Variants in SSBP3 observed in about 807,000 individuals in gnomAD.
SSBP3 encodes the protein single-stranded DNA-binding protein 3.
In SSBP3, 5 loss-of-function variants were observed where a neutral mutation model predicts 69.6. The ratio of observed to expected loss-of-function variants is 0.07; its 90% CI spans 0.04 to 0.15. SSBP3 has a LOEUF of 0.15. Ranked by LOEUF, SSBP3 falls within the 10% of genes least tolerant of loss-of-function variation. The pLI, the probability that SSBP3 is intolerant of heterozygous loss-of-function variation, is 1.00. For synonymous variants in SSBP3, 196 were observed against 193.4 expected (o/e 1.01, Z -0.11); for missense variants, 312 against 534.0 (o/e 0.58, Z 4.10).
chr1:54,380,570 C>G (rs2100720776), intron 4 of SSBP3, among the ~76,000 whole-genome samples: 1 of 152,336 alleles, frequency 6.6e-6, no homozygotes, highest in Non-Finnish European at 1.5e-5. Context: ...TGGCCAGGGC[C>G]AGCTTCGGCT....
At chr1:54,392,705 C>A (rs1178464997) in intron 4 of SSBP3, among the ~76,000 whole-genome samples, 1 of 152,190 alleles carries the variant, frequency 6.6e-6, no homozygotes, top group South Asian at 2.1e-4. Flanking sequence ...AGGCTCAGAG[C>A]CTTGCTCACA....
chr1:54,406,036 T>TCACCGC, exon 1 of SSBP3: 5 of 1,329,340 alleles, frequency 3.8e-6, no homozygotes, highest in South Asian at 1.4e-5. Context: ...GCGCCGAGCC[T>TCACCGC]CGCCGCCGCC....
At chr1:54,393,855 G>A (rs548396923) in intron 4 of SSBP3, among the ~76,000 whole-genome samples, 2 of 152,262 alleles carry the variant, frequency 1.3e-5, no homozygotes, top group African/African-American at 4.8e-5. Flanking sequence ...CACCTCCCGG[G>A]TTCAAACTAT....
At chr1:54,319,410 G>C (rs1387040561) in intron 4 of SSBP3, among the ~76,000 whole-genome samples, 1 of 151,830 alleles carries the variant, frequency 6.6e-6, no homozygotes, top group East Asian at 1.9e-4. Flanking sequence ...TCCCATCCAG[G>C]TCTACACCTG....
At chr1:54,242,356 G>T (rs1644655108) in intron 10 of SSBP3, 144 bp from the exon 11 acceptor site, 2 of 765,922 alleles carry the variant, frequency 2.6e-6, no homozygotes, top group Admixed American at 2.5e-5. Flanking sequence ...TTCTGGCTCA[G>T]GGCAGTAATG....
upstream of SSBP3, among the ~76,000 whole-genome samples, chr1:54,407,821 A>G (rs1051082902): frequency 7.0e-6 from 1 of 142,992 alleles, no homozygotes; most frequent in Admixed American, 7.2e-5. Flanking sequence ...TCCCCCTAAC[A>G]TGCCTCGCAC....
intron 4 of SSBP3, among the ~76,000 whole-genome samples, chr1:54,294,361 CTG>C (rs1454576287): frequency 1.3e-5 from 2 of 152,094 alleles, no homozygotes; most frequent in Non-Finnish European, 2.9e-5. Context: ...CTGCCACAAA[CTG>C]TTCCTTCTGC....
chr1:54,264,091 A>C (rs1645061479), intron 5 of SSBP3, among the ~76,000 whole-genome samples: 1 of 152,214 alleles, frequency 6.6e-6, no homozygotes, highest in African/African-American at 2.4e-5. Context: ...GCTTGAGCCC[A>C]GGAGTTTGAG....
intron 5 of SSBP3, among the ~76,000 whole-genome samples, chr1:54,281,185 G>C (rs1645385029): frequency 6.6e-6 from 1 of 152,180 alleles, no homozygotes; most frequent in South Asian, 2.1e-4. Context: ...CTACGAAGCT[G>C]GCATGAAGAA....
chr1:54,241,178 T>G (rs1277121673), intron 12 of SSBP3, among the ~76,000 whole-genome samples: 2 of 152,158 alleles, frequency 1.3e-5, no homozygotes, highest in Non-Finnish European at 2.9e-5. Flanking sequence ...CCTGTGGGTG[T>G]GTGTGCCTGC....
chr1:54,391,800 G>A (rs1234448188), intron 4 of SSBP3, among the ~76,000 whole-genome samples: 1 of 152,196 alleles, frequency 6.6e-6, no homozygotes, highest in African/African-American at 2.4e-5. Context: ...CAGACAGGAT[G>A]CCTTACGACC....
At position 54,305,634 on chromosome 1, in the gene SSBP3, AGAGAG is replaced by A. The variant is rs1374519017; in HGVS notation, c.277-24112_277-24108del. Among the ~76,000 whole-genome samples, 3 of 145,374 alleles carry A rather than the reference AGAGAG, an allele frequency of 2.1e-5. No homozygotes were observed. In the East Asian group the frequency reaches 6.0e-4, roughly 29 times the overall value. On this transcript the variant is annotated intron_variant, in intron 4 of 17. Transcript: ENST00000610401. ...TATTTTTCTTTAAAAAAAAAAAAAAAGAGAGAGAGAGAGAGACGAGGTCTCATTAT... is the reference window on the plus strand; with the variant it reads ...TATTTTTCTTTAAAAAAAAAAAAAAAAGAGAGAGAGACGAGGTCTCATTAT...
chr1:54,279,455 C>G (rs1418594981), intron 5 of SSBP3, among the ~76,000 whole-genome samples: 1 of 152,222 alleles, frequency 6.6e-6, no homozygotes, highest in African/African-American at 2.4e-5. Flanking sequence ...TAGACCCAGG[C>G]CAAAATAGAA....
At chr1:54,404,834 G>A (rs369662811) in intron 2 of SSBP3, 24 bp downstream of exon 2, 2 of 1,491,922 alleles carry the variant, frequency 1.3e-6, no homozygotes, top group South Asian at 2.3e-5. Context: ...CAAGAAATTG[G>A]ATGCTGGGGG....
At chr1:54,385,443 C>T (rs1304008262) in intron 4 of SSBP3, among the ~76,000 whole-genome samples, 1 of 152,146 alleles carries the variant, frequency 6.6e-6, no homozygotes, top group Non-Finnish European at 1.5e-5. Context: ...GTTCTCTCTC[C>T]TAGCACTGTC....
In SSBP3 at chr1:54,320,136, G is replaced by A. The variant is rs115057972; in HGVS notation, c.277-38609C>T. Among the ~76,000 whole-genome samples the A allele has an allele frequency of 7.5e-3, 1,136 of 152,234 alleles. 11 individuals are homozygous for A. Among genetic ancestry groups the A allele is most frequent in the African/African-American group, 0.026 (1,070 of 41,508 alleles). On this transcript the variant is annotated intron_variant, in intron 4 of 17. Coordinates refer to ENST00000610401, the Ensembl canonical transcript of SSBP3. ...CCCTCTAGGGACTTCCAATCTAGCA[G>A]AAGAGTCAAATGCCAGTGACTTCCA...
intron 4 of SSBP3, among the ~76,000 whole-genome samples, chr1:54,329,041 C>G (rs1284628380): frequency 1.3e-5 from 2 of 152,080 alleles, no homozygotes; most frequent in Admixed American, 1.3e-4. Context: ...TTGCAAAGTT[C>G]CAAATAATAT....
intron 4 of SSBP3, among the ~76,000 whole-genome samples, chr1:54,308,580 G>T (rs1337298141): frequency 1.4e-5 from 2 of 137,988 alleles, no homozygotes; most frequent in African/African-American, 2.8e-5. Context: ...CAGCCTGGCC[G>T]ACAGAGCGAG....
At chr1:54,248,295 G>C (rs1308040889) in intron 9 of SSBP3, among the ~76,000 whole-genome samples, 1 of 152,222 alleles carries the variant, frequency 6.6e-6, no homozygotes, top group African/African-American at 2.4e-5. Flanking sequence ...GGCTGTGGCA[G>C]TAGGCAGGGC....
Sources: gnomAD v4.1 joint callset for allele counts (sites outside exome capture counted in the v4.1 genomes callset) on GRCh38, gnomAD v4.1.1 for gene constraint, MANE v1.5 for transcripts, NCBI Gene and HGNC (gene_info 2026-07-23, HGNC 2026-07-21) for gene names.